Variants in SAR1A observed in about 807,000 individuals in gnomAD.
The protein encoded by SAR1A is secretion associated Ras related GTPase 1A.
Under a neutral mutation model 22.6 loss-of-function variants are expected in SAR1A, and 6 were observed. The observed-to-expected ratio is 0.27, with a 90% CI of 0.15 to 0.52. The LOEUF is 0.52. Ranked by LOEUF, SAR1A falls within the 20% of genes least tolerant of loss-of-function variation. The probability of loss-of-function intolerance (pLI) is 0.96; values close to 1 mark genes in which losing one functional copy is unlikely to be tolerated. For synonymous variants in SAR1A, 70 were observed against 82.2 expected, an observed-to-expected ratio of 0.85 and a Z score of 0.80; for missense variants, 145 against 245.1, an observed-to-expected ratio of 0.59 and a Z score of 2.73.
In SAR1A at chr10:70,152,281, C is replaced by T; in HGVS notation, c.*195G>A. The T allele has an allele frequency of 1.0e-5, 10 of 991,708 alleles. No homozygotes were observed. The highest frequency in any genetic ancestry group is 1.5e-5 in the Non-Finnish European group (10 of 668,854). The allele number at this position is 991,708 out of a possible 1,614,324, so 61.4% of individuals were successfully genotyped here. On this transcript the variant is annotated 3_prime_UTR_variant, in exon 7 of 7. Coordinates refer to ENST00000373241, the MANE Select transcript of SAR1A (RefSeq NM_020150.5). Reference sequence around the variant, plus strand: ...TACTGACCTGCACCAGCACGTGGGGCAGCATTACCTCCCAACAGTGTGGAG... The same window carrying T: ...TACTGACCTGCACCAGCACGTGGGGTAGCATTACCTCCCAACAGTGTGGAG...
At chr10:70,164,059 T>A in intron 1 of SAR1A, 1 of 787,020 alleles carries the variant, frequency 1.3e-6, no homozygotes, top group South Asian at 1.3e-5. Flanking sequence ...GATTAAATGA[T>A]CAGGGAAGCA....
chr10:70,162,399 GA>G (rs1176796565), intron 1 of SAR1A, among the ~76,000 whole-genome samples: 43 of 128,678 alleles, frequency 3.3e-4, no homozygotes, highest in South Asian at 5.9e-4. Context: ...AAGGGAAAAG[GA>G]AAGGGAAAGG....
chr10:70,165,810 G>A (rs193103790), intron 1 of SAR1A, among the ~76,000 whole-genome samples: 23 of 152,294 alleles, frequency 1.5e-4, no homozygotes, highest in Non-Finnish European at 2.9e-4. Context: ...ATTCTGCTTT[G>A]GGTAAAATGC....
rs1839271044 is a variant in SAR1A at position 70,147,755 on chromosome 10, A to C, written c.*4721T>G. The C allele has an allele frequency of 6.6e-6, 1 of 152,318 alleles. No homozygotes were observed. Among genetic ancestry groups the C allele is most frequent in the South Asian group, 2.1e-4 (1 of 4,830 alleles). The allele number at this position is 152,318 out of a possible 1,614,324, so 9.4% of individuals were successfully genotyped here. A position where few individuals can be genotyped will look rare whatever the true frequency, so the allele number is the denominator to read the frequency against. ...TACGCTTTAGGACAGAGGAGGATGA[A>C]CGAGTATGTCGGGGAGTGGGGGGGC... On this transcript the variant is annotated 3_prime_UTR_variant, in exon 7 of 7. Transcript: ENST00000373241.
chr10:70,168,680 C>T (rs755679167), intron 1 of SAR1A, among the ~76,000 whole-genome samples: 2 of 152,080 alleles, frequency 1.3e-5, no homozygotes, highest in Non-Finnish European at 2.9e-5. Flanking sequence ...CAGTGTAGTA[C>T]AAATGTATAT....
intron 4 of SAR1A, 32 bp from the exon 5 acceptor site, chr10:70,157,899 A>C (rs1839414830): frequency 7.2e-7 from 1 of 1,395,160 alleles, no homozygotes; most frequent in South Asian, 1.2e-5. Flanking sequence ...TGCATGAGTA[A>C]AAAATATACA....
In SAR1A at chr10:70,151,259, C is replaced by CAAAAAA. The variant is rs201493587; in HGVS notation, c.*1211_*1216dup. The CAAAAAA allele has an allele frequency of 1.5e-3, 102 of 70,322 alleles. No individual in the cohort carries two copies. Among genetic ancestry groups the CAAAAAA allele is most frequent in the African/African-American group, 4.7e-3 (88 of 18,572 alleles). 4.4% of individuals were successfully genotyped at this position (70,322 alleles called of 1,614,324 possible). A position where few individuals can be genotyped will look rare whatever the true frequency, so the allele number is the denominator to read the frequency against. On this transcript the variant is annotated 3_prime_UTR_variant, in exon 7 of 7. Transcript: ENST00000373241. ...GCAATGGAGAAAGACAATTTCATAC[C>CAAAAAA]AAAAAAAAAAAAAAAAAAAAAAAAA... is the stretch of plus-strand genomic sequence containing the variant.
intron 1 of SAR1A, among the ~76,000 whole-genome samples, chr10:70,169,425 G>C (rs1229399478): frequency 6.6e-6 from 1 of 152,112 alleles, no homozygotes; most frequent in Non-Finnish European, 1.5e-5. Context: ...CACCTTACGA[G>C]AAGTTAAGAG....
chr10:70,160,669 T>TG (rs1839457463), intron 4 of SAR1A, among the ~76,000 whole-genome samples: 1 of 152,234 alleles, frequency 6.6e-6, no homozygotes, highest in South Asian at 2.1e-4. Context: ...GCTGTCCTGC[T>TG]TTGTAAAAAT....
Position 70,157,401 on chromosome 10 carries a change from CAAAAAAAAAAAAAAA to C in SAR1A, c.348+348_348+362del, listed in dbSNP as rs55801259. 1.3e-3 allele frequency among the ~76,000 whole-genome samples: 167 copies of C among 131,260 alleles called. 4 individuals are homozygous for C. The South Asian group carries it at 0.028, about 22-fold the overall frequency. The allele number at this position is 131,260 out of a possible 152,430, so 86.1% of individuals were successfully genotyped here. A position where few individuals can be genotyped will look rare whatever the true frequency, so the allele number is the denominator to read the frequency against. On this transcript the variant is annotated intron_variant, in intron 5 of 6. Transcript: ENST00000373241. The stretch of plus-strand genomic sequence containing the variant: ...CCTGGGCAACAGAGCAAGACTCCGT[CAAAAAAAAAAAAAAA>C]AAAAAAAAAAAAACAGAATTACTGT...
At chr10:70,165,009 A>G (rs1839527980) in intron 1 of SAR1A, among the ~76,000 whole-genome samples, 1 of 152,194 alleles carries the variant, frequency 6.6e-6, no homozygotes, top group African/African-American at 2.4e-5. Flanking sequence ...TTCATTTAAG[A>G]AATATATTTC....
At chr10:70,160,956 C>G (rs1564570510) in intron 4 of SAR1A, 48 bp downstream of exon 4, 1 of 1,387,596 alleles carries the variant, frequency 7.2e-7, no homozygotes, top group Non-Finnish European at 1.0e-6. Flanking sequence ...CTGGGAGGCA[C>G]AAAAAAAATA....
At chr10:70,155,800 G>A (rs976452429) in intron 5 of SAR1A, among the ~76,000 whole-genome samples, 2 of 152,182 alleles carry the variant, frequency 1.3e-5, no homozygotes, top group Admixed American at 1.3e-4. Flanking sequence ...GTAGCTACTT[G>A]TGCATATTCA....
At chr10:70,163,261 C>T (rs1299009185) in intron 1 of SAR1A, among the ~76,000 whole-genome samples, 1 of 152,068 alleles carries the variant, frequency 6.6e-6, no homozygotes, top group Admixed American at 6.6e-5. Flanking sequence ...AATAAAAACA[C>T]GAGGTAAAAA....
rs935240126 is a variant in SAR1A, at chr10:70,147,315, G to A, written c.*5161C>T. On this transcript the variant is annotated 3_prime_UTR_variant, in exon 7 of 7. Coordinates refer to ENST00000373241, the MANE Select transcript of SAR1A (RefSeq NM_020150.5). Reference sequence around the variant, plus strand: ...GAAATCAAAAATTTTAATCATACAGGCCTATATTTTACAGTGTGCACATTT... The same window carrying A: ...GAAATCAAAAATTTTAATCATACAGACCTATATTTTACAGTGTGCACATTT... 2.6e-5 allele frequency: 4 copies of A among 151,962 alleles called. No individual in the cohort carries two copies. The highest frequency in any genetic ancestry group is 6.6e-5 in the Admixed American group (1 of 15,260). 9.4% of individuals were successfully genotyped at this position (151,962 alleles called of 1,614,324 possible). A position where few individuals can be genotyped will look rare whatever the true frequency, so the allele number is the denominator to read the frequency against.
In SAR1A at chr10:70,153,541, G is replaced by A. The variant is rs1374700391; in HGVS notation, c.480+297C>T. Among the ~76,000 whole-genome samples, 16 of 152,078 alleles carry A rather than the reference G, an allele frequency of 1.1e-4. 1 individual carries two copies. Among genetic ancestry groups the A allele is most frequent in the Admixed American group, 7.2e-4 (11 of 15,262 alleles). ...AAAAAATTATTTTCTGGCTAAAAAGGGCTATTTCAAAAGCAATTTCTCAGA... is the reference window on the plus strand; with the variant it reads ...AAAAAATTATTTTCTGGCTAAAAAGAGCTATTTCAAAAGCAATTTCTCAGA... On this transcript the variant is annotated intron_variant, in intron 6 of 6. Transcript: ENST00000373241.
intron 1 of SAR1A, chr10:70,163,771 A>C: frequency 9.1e-7 from 1 of 1,094,176 alleles, no homozygotes; most frequent in Non-Finnish European, 1.4e-6. Flanking sequence ...GAACTATAAC[A>C]ACAAAGAAAC....
chr10:70,157,555 T>C, intron 5 of SAR1A: 1 of 511,470 alleles, frequency 2.0e-6, no homozygotes, highest in Admixed American at 3.5e-5. Context: ...CAACAGTTAA[T>C]TTATTTAAGT....
chr10:70,169,544 A>G (rs1307553507), intron 1 of SAR1A, among the ~76,000 whole-genome samples: 1 of 152,262 alleles, frequency 6.6e-6, no homozygotes, highest in Non-Finnish European at 1.5e-5. Flanking sequence ...AAATGTTAAT[A>G]GAAAAGGAGG....
Sources: allele counts gnomAD v4.1 joint callset (sites outside exome capture counted in the v4.1 genomes callset), GRCh38; gene constraint gnomAD v4.1.1; transcripts MANE v1.5; gene names NCBI Gene and HGNC (gene_info 2026-07-23, HGNC 2026-07-21).